Variants in TTLL5 observed in about 807,000 individuals in gnomAD.
TTLL5 encodes the protein tubulin tyrosine ligase like 5, also known as tubulin polyglutamylase TTLL5.
In TTLL5, 132 loss-of-function variants were observed where a neutral mutation model predicts 168.4. That is an observed-to-expected ratio of 0.78 (90% CI 0.68 to 0.91). The LOEUF (loss-of-function observed/expected upper bound fraction) is 0.91. Among genes scored for constraint, TTLL5 ranks in the 40% least tolerant of loss-of-function variants. The pLI, the probability that TTLL5 is intolerant of heterozygous loss-of-function variation, is 0.00. For synonymous variants in TTLL5, 546 were observed against 558.6 expected, an observed-to-expected ratio of 0.98 and a Z score of 0.32; for missense variants, 1,545 against 1,581.5, an observed-to-expected ratio of 0.98 and a Z score of 0.39.
At chr14:75,852,000 C>T (rs537993843) in intron 28 of TTLL5, among the ~76,000 whole-genome samples, 1 of 152,286 alleles carries the variant, frequency 6.6e-6, no homozygotes, top group Non-Finnish European at 1.5e-5. Context: ...ATGTGCTAAA[C>T]GCTGTACATA....
intron 12 of TTLL5, among the ~76,000 whole-genome samples, chr14:75,731,373 AT>A (rs1181440295): frequency 2.6e-5 from 2 of 77,308 alleles, no homozygotes; most frequent in Non-Finnish European, 5.2e-5. Flanking sequence ...ATACACATAC[AT>A]ACACACACAC....
chr14:75,681,579 G>C lies in TTLL5; in HGVS notation c.216G>C (p.Thr72=). The C allele has an allele frequency of 6.2e-7, 1 of 1,613,262 alleles. No homozygotes were observed. Residue 72 remains threonine (T), a synonymous_variant, in exon 4 of 32, where the codon ACG becomes ACC. Transcript: ENST00000298832. Reference sequence around the variant, plus strand: ...ATTTGTCTTATAAGATTGTACGAACGGACAGTCGCCTAGTACGCAGCATTC... The same window carrying C: ...ATTTGTCTTATAAGATTGTACGAACCGACAGTCGCCTAGTACGCAGCATTC... ...RYHLSYKIVR[T]DSRLVRSILT...
chr14:75,927,640 C>G (rs1027173487), intron 31 of TTLL5, among the ~76,000 whole-genome samples: 2 of 152,182 alleles, frequency 1.3e-5, no homozygotes, highest in African/African-American at 4.8e-5. Flanking sequence ...AGGTCTTAGG[C>G]AGAAAGATGT....
intron 23 of TTLL5, among the ~76,000 whole-genome samples, chr14:75,778,538 C>T (rs1338090717): frequency 6.6e-6 from 1 of 152,104 alleles, no homozygotes; most frequent in African/African-American, 2.4e-5. Context: ...TGGCATTTGG[C>T]TACTTTGAAG....
chr14:75,874,333 C>G (rs1334175480), intron 29 of TTLL5, among the ~76,000 whole-genome samples: 3 of 152,122 alleles, frequency 2.0e-5, no homozygotes, highest in Admixed American at 6.6e-5. Context: ...ACTTTGTGAT[C>G]CACCCGCCTC....
At chr14:75,813,884 C>A (rs1269368796) in intron 27 of TTLL5, among the ~76,000 whole-genome samples, 1 of 151,810 alleles carries the variant, frequency 6.6e-6, no homozygotes, top group East Asian at 1.9e-4. Context: ...TTTCCAGACC[C>A]CTTTGTGACC....
At chr14:75,846,607 A>G (rs1214789272) in intron 28 of TTLL5, among the ~76,000 whole-genome samples, 2 of 152,132 alleles carry the variant, frequency 1.3e-5, no homozygotes, top group African/African-American at 4.8e-5. Flanking sequence ...CCTGTCCAAC[A>G]TGGAGAAACC....
At chr14:75,766,529 T>G (rs1890976615) in intron 20 of TTLL5, among the ~76,000 whole-genome samples, 161 bp downstream of exon 20, 2 of 152,146 alleles carry the variant, frequency 1.3e-5, no homozygotes, top group Admixed American at 1.3e-4. Context: ...TTAAGGAAAC[T>G]GAGCCTTAGA....
intron 9 of TTLL5, among the ~76,000 whole-genome samples, chr14:75,717,195 G>C (rs1442814184): frequency 1.3e-5 from 2 of 151,960 alleles, no homozygotes; most frequent in African/African-American, 4.8e-5. Flanking sequence ...GCTCACTGCA[G>C]CCTCTGTCTC....
In TTLL5 at chr14:75,902,132, T is replaced by C. The variant is rs1473364647; in HGVS notation, c.3741-10T>C. Reference sequence around the variant, plus strand: ...GCCTGCAGGTCTGACCAAGCTCCTTTGTGTTTCAGAGGGTCCTCCGCGGAA... The same window carrying C: ...GCCTGCAGGTCTGACCAAGCTCCTTCGTGTTTCAGAGGGTCCTCCGCGGAA... On this transcript the variant is annotated splice_polypyrimidine_tract_variant and intron_variant, in intron 30 of 31. Transcript: ENST00000298832. The C allele has an allele frequency of 5.6e-6, 9 of 1,613,970 alleles. No homozygotes were observed. The African/African-American group carries it at 1.1e-4, about 19-fold the overall frequency.
chr14:75,830,128 G>A (rs140924245), intron 28 of TTLL5, among the ~76,000 whole-genome samples: 33 of 152,256 alleles, frequency 2.2e-4, no homozygotes, highest in Non-Finnish European at 2.8e-4. Flanking sequence ...TTTGTTTTCT[G>A]TATTCTAAAT....
At chr14:75,945,148 C>G (rs1370023016) in intron 31 of TTLL5, among the ~76,000 whole-genome samples, 1 of 151,250 alleles carries the variant, frequency 6.6e-6, no homozygotes, top group Non-Finnish European at 1.5e-5. Context: ...TGGCCCTCTT[C>G]CAAGTGTACT....
At chr14:75,888,119 C>A (rs1412885913) in intron 30 of TTLL5, among the ~76,000 whole-genome samples, 2 of 152,214 alleles carry the variant, frequency 1.3e-5, no homozygotes, top group Non-Finnish European at 2.9e-5. Flanking sequence ...CACTTAGACT[C>A]TCTGTCTTCT....
chr14:75,825,422 G>T (rs1451795435), intron 28 of TTLL5, among the ~76,000 whole-genome samples: 1 of 152,044 alleles, frequency 6.6e-6, no homozygotes, highest in African/African-American at 2.4e-5. Context: ...TGACCCCTTG[G>T]TTGGAGGTCA....
At chr14:75,706,288 G>A (rs2140170258) in intron 7 of TTLL5, among the ~76,000 whole-genome samples, 1 of 152,200 alleles carries the variant, frequency 6.6e-6, no homozygotes, top group South Asian at 2.1e-4. Flanking sequence ...ATATTTTGCT[G>A]TTCCTCTACC....
At chr14:75,925,098 CA>C (rs1355835129) in intron 31 of TTLL5, among the ~76,000 whole-genome samples, 2 of 147,270 alleles carry the variant, frequency 1.4e-5, no homozygotes, top group Admixed American at 1.3e-4. Flanking sequence ...GCTGACCCCC[CA>C]ACCTCCCTCC....
intron 9 of TTLL5, among the ~76,000 whole-genome samples, chr14:75,716,456 A>G (rs1057065347): frequency 5.3e-5 from 8 of 151,872 alleles, no homozygotes; most frequent in African/African-American, 1.9e-4. Flanking sequence ...TAGGGAGTGG[A>G]GATAGTGGGT....
At chr14:75,887,072 G>A in intron 30 of TTLL5, 1 of 1,180,872 alleles carries the variant, frequency 8.5e-7, no homozygotes, top group South Asian at 2.5e-5. Context: ...TCATCAGGGT[G>A]ACCTGAGTGG....
intron 27 of TTLL5, among the ~76,000 whole-genome samples, chr14:75,808,974 A>AATAT (rs143754403): frequency 1.3e-5 from 2 of 148,682 alleles, no homozygotes; most frequent in African/African-American, 4.9e-5. Flanking sequence ...ATATATAAGG[A>AATAT]ATATATATAT....
Sources: allele counts gnomAD v4.1 joint callset (sites outside exome capture counted in the v4.1 genomes callset), GRCh38; gene constraint gnomAD v4.1.1; transcripts MANE v1.5; gene names NCBI Gene and HGNC (gene_info 2026-07-23, HGNC 2026-07-21).